The following ARHGEF28 variants were observed in gnomAD, a reference collection of about 807,000 sequenced individuals.
ARHGEF28 encodes the protein 190 kDa guanine nucleotide exchange factor.
Under a neutral mutation model 206.6 loss-of-function variants are expected in ARHGEF28, and 152 were observed. The ratio of observed to expected loss-of-function variants is 0.74; its 90% CI spans 0.64 to 0.84. The LOEUF is 0.84. Ranked by LOEUF, ARHGEF28 falls within the 40% of genes least tolerant of loss-of-function variation. ARHGEF28 has a pLI of 0.00. For missense variants in ARHGEF28, 2,028 were observed against 2,073.2 expected, an observed-to-expected ratio of 0.98 and a Z score of 0.42; for synonymous variants, 763 against 776.4, an observed-to-expected ratio of 0.98 and a Z score of 0.29.
intron 4 of ARHGEF28, among the ~76,000 whole-genome samples, chr5:73,754,488 A>G (rs1752196670): frequency 6.6e-6 from 1 of 152,082 alleles, no homozygotes; most frequent in African/African-American, 2.4e-5. Context: ...TCTGCTTGCT[A>G]TTATCCCCAA....
intron 35 of ARHGEF28, among the ~76,000 whole-genome samples, chr5:73,918,169 G>T (rs979977413): frequency 6.6e-6 from 1 of 152,182 alleles, no homozygotes; most frequent in Non-Finnish European, 1.5e-5. Flanking sequence ...TCTGTCTTAG[G>T]GGGTGGCACG....
chr5:73,803,488 G>A (rs758860989), intron 9 of ARHGEF28: 19 of 155,614 alleles, frequency 1.2e-4, no homozygotes, highest in Non-Finnish European at 2.3e-4. Flanking sequence ...TTTCTGTATG[G>A]GACCAAGTTT....
At chr5:73,914,390 G>GC in intron 35 of ARHGEF28, among the ~76,000 whole-genome samples, 1 of 126,722 alleles carries the variant, frequency 7.9e-6, no homozygotes, top group Non-Finnish European at 1.6e-5. Flanking sequence ...ATTCTGAATT[G>GC]CTTTTTTTTT....
chr5:73,659,229 A>G (rs1232344111), intron 1 of ARHGEF28, among the ~76,000 whole-genome samples: 1 of 152,224 alleles, frequency 6.6e-6, no homozygotes, highest in Non-Finnish European at 1.5e-5. Context: ...ATCACGTAGT[A>G]CAGAATATGA....
intron 2 of ARHGEF28, among the ~76,000 whole-genome samples, chr5:73,696,743 A>G (rs1450160351): frequency 2.6e-5 from 4 of 152,226 alleles, no homozygotes; most frequent in Non-Finnish European, 5.9e-5. Flanking sequence ...ACACTAGTTT[A>G]GTGCTTGGCA....
chr5:73,893,376 T>G, intron 28 of ARHGEF28, 88 bp downstream of exon 28: 1 of 1,045,702 alleles, frequency 9.6e-7, no homozygotes, highest in Non-Finnish European at 1.3e-6. Context: ...AGGTTATAAC[T>G]ACATGATTCA....
intron 7 of ARHGEF28, among the ~76,000 whole-genome samples, chr5:73,782,572 C>A (rs1350485604): frequency 2.0e-5 from 3 of 152,230 alleles, no homozygotes; most frequent in South Asian, 2.1e-4. Flanking sequence ...AGCAGCTGAG[C>A]CTCCTCCTCA....
chr5:73,890,746 G>A (rs770886552), intron 26 of ARHGEF28, among the ~76,000 whole-genome samples: 4 of 152,146 alleles, frequency 2.6e-5, no homozygotes, highest in Non-Finnish European at 4.4e-5. Context: ...GGATAAAGGC[G>A]TCGCTCAGTC....
intron 1 of ARHGEF28, among the ~76,000 whole-genome samples, chr5:73,645,505 A>G (rs1744373538): frequency 1.3e-5 from 2 of 152,198 alleles, no homozygotes; most frequent in South Asian, 2.1e-4. Flanking sequence ...ATTACTCACT[A>G]TGAATTTCCA....
At chr5:73,933,838 C>A (rs1561207482) in intron 35 of ARHGEF28, among the ~76,000 whole-genome samples, 1 of 151,470 alleles carries the variant, frequency 6.6e-6, no homozygotes, top group East Asian at 1.9e-4. Flanking sequence ...ACAATATGAT[C>A]ATCACATCTA....
intron 9 of ARHGEF28, among the ~76,000 whole-genome samples, chr5:73,818,034 A>G (rs1756337386): frequency 6.6e-6 from 1 of 152,186 alleles, no homozygotes; most frequent in African/African-American, 2.4e-5. Context: ...GATTGGGAAC[A>G]GATGCACAGA....
intron 2 of ARHGEF28, among the ~76,000 whole-genome samples, chr5:73,741,320 T>C (rs899325196): frequency 4.2e-5 from 6 of 142,522 alleles, no homozygotes; most frequent in Non-Finnish European, 9.1e-5. Flanking sequence ...AGGGTGAAAG[T>C]CGTCTAGATT....
chr5:73,691,036 C>A (rs992291120), intron 2 of ARHGEF28, among the ~76,000 whole-genome samples: 2 of 151,930 alleles, frequency 1.3e-5, no homozygotes, highest in Non-Finnish European at 2.9e-5. Flanking sequence ...TTCAAGCAAT[C>A]CTCCTGCCTC....
Position 73,840,465 on chromosome 5 carries a change from T to C in ARHGEF28, c.1147-15T>C, listed in dbSNP as rs372765077. ...CCTGCTTTTACTCAGGAAATGTTTT[T>C]CTTTCAACTTCCAGGTTGGTGATTT... is the stretch of plus-strand genomic sequence containing the variant. On this transcript the variant is annotated splice_polypyrimidine_tract_variant and intron_variant, in intron 10 of 35. Transcript: ENST00000513042. 6.7e-5 allele frequency: 108 copies of C among 1,606,790 alleles called. No homozygotes were observed. In the African/African-American group the frequency reaches 1.2e-3, roughly 18 times the overall value.
chr5:73,815,715 A>G (rs1163589224), intron 9 of ARHGEF28, among the ~76,000 whole-genome samples: 1 of 152,190 alleles, frequency 6.6e-6, no homozygotes, highest in East Asian at 1.9e-4. Context: ...TAGGGAATGC[A>G]TTTATCATGC....
chr5:73,869,951 G>A (rs1313468308), intron 20 of ARHGEF28, 118 bp from the exon 21 acceptor site: 1 of 1,232,242 alleles, frequency 8.1e-7, no homozygotes, highest in Non-Finnish European at 1.1e-6. Context: ...TTTTGGTTTA[G>A]TAGTTTCCAT....
intron 11 of ARHGEF28, 147 bp from the exon 12 acceptor site, chr5:73,846,121 G>A (rs1031737690): frequency 1.0e-5 from 7 of 694,546 alleles, no homozygotes; most frequent in African/African-American, 1.8e-5. Flanking sequence ...GGAGAAAAAG[G>A]CTAATTAAAT....
At chr5:73,751,786 T>G (rs1017084998) in intron 3 of ARHGEF28, among the ~76,000 whole-genome samples, 1 of 152,176 alleles carries the variant, frequency 6.6e-6, no homozygotes, top group African/African-American at 2.4e-5. Flanking sequence ...ACCTTGAATT[T>G]CCCTGGTGAC....
At chr5:73,838,131 T>G (rs1757772360) in intron 10 of ARHGEF28, among the ~76,000 whole-genome samples, 1 of 152,234 alleles carries the variant, frequency 6.6e-6, no homozygotes, top group South Asian at 2.1e-4. Flanking sequence ...AGCATGCATT[T>G]AGAGAGAACT....
Sources: gnomAD v4.1 joint callset for allele counts (sites outside exome capture counted in the v4.1 genomes callset) on GRCh38, gnomAD v4.1.1 for gene constraint, MANE v1.5 for transcripts, NCBI Gene and HGNC (gene_info 2026-07-23, HGNC 2026-07-21) for gene names.